TRIO: variants seen among roughly 807,000 people sequenced by gnomAD.
TRIO encodes the protein trio Rho guanine nucleotide exchange factor.
In TRIO, 58 loss-of-function variants were observed where a neutral mutation model predicts 351.9. The observed-to-expected ratio is 0.16, with a 90% CI of 0.13 to 0.21. TRIO has a LOEUF of 0.21. TRIO is among the 10% of genes least tolerant of loss of function. TRIO has a pLI of 1.00. For synonymous variants in TRIO, 1,758 were observed against 1,595.7 expected, an observed-to-expected ratio of 1.10 and a Z score of -2.42; for missense variants, 3,201 against 4,027.8, an observed-to-expected ratio of 0.79 and a Z score of 5.56.
rs1739408543 is a variant in TRIO at position 14,316,685 on chromosome 5, G to T, written c.1673G>T (p.Arg558Leu). ...QRQLENIWQH[R>L]KVRLHQRLQL... ...CAGCTGGAGAACATCTGGCAACACC[G>T]CAAGGTCCGGCTGCATCAGAGGCTG... Residue 558 changes from arginine to leucine, a missense_variant, in exon 9 of 57, where the codon CGC becomes CTC. Physicochemically the swap from Arg to Leu is moderately radical, Grantham distance 102. Coordinates refer to ENST00000344204, the MANE Select transcript of TRIO (RefSeq NM_007118.4). 1.2e-6 allele frequency: 2 copies of T among 1,614,040 alleles called. No individual in the cohort carries two copies. The highest frequency in any genetic ancestry group is 1.3e-5 in the African/African-American group (1 of 74,952).
chr5:14,485,376 A>G (rs1404917645), intron 47 of TRIO, 130 bp downstream of exon 47: 1 of 951,446 alleles, frequency 1.1e-6, no homozygotes, highest in African/African-American at 1.7e-5. Context: ...GGCACTGCCT[A>G]GATATTGCTT....
At chr5:14,258,851 C>G (rs1237264520) in intron 1 of TRIO, among the ~76,000 whole-genome samples, 1 of 152,188 alleles carries the variant, frequency 6.6e-6, no homozygotes, top group Non-Finnish European at 1.5e-5. Flanking sequence ...TTTTTGTGAT[C>G]ACTGGATTAG....
intron 1 of TRIO, among the ~76,000 whole-genome samples, chr5:14,247,549 C>T (rs545551257): frequency 7.2e-5 from 11 of 152,230 alleles, no homozygotes; most frequent in Non-Finnish European, 1.3e-4. Flanking sequence ...GTTTGGGAAA[C>T]TTTACTGAAT....
intron 48 of TRIO, among the ~76,000 whole-genome samples, chr5:14,491,559 C>T (rs1003103246): frequency 2.6e-5 from 4 of 152,216 alleles, no homozygotes; most frequent in African/African-American, 7.2e-5. Context: ...CCATAGGCCA[C>T]GCGCTAGATG....
chr5:14,274,482 T>C (rs1047866272), intron 2 of TRIO, among the ~76,000 whole-genome samples: 8 of 152,168 alleles, frequency 5.3e-5, no homozygotes, highest in African/African-American at 1.9e-4. Context: ...ATTTTTATGG[T>C]GTTCATTGAT....
Position 14,507,107 on chromosome 5 carries a change from C to T in TRIO, c.8613-15C>T, listed in dbSNP as rs2126719409. On this transcript the variant is annotated splice_polypyrimidine_tract_variant and intron_variant, in intron 55 of 56. Coordinates refer to ENST00000344204, the MANE Select transcript of TRIO (RefSeq NM_007118.4). ...CAAATCGCATCATAACAGTCACCCG[C>T]TCCTGCCTCTTTAGGGCTGACCAGG... is the stretch of plus-strand genomic sequence containing the variant. The T allele has an allele frequency of 1.3e-6, 2 of 1,569,082 alleles. No individual in the cohort carries two copies. Among genetic ancestry groups the T allele is most frequent in the Non-Finnish European group, 1.7e-6 (2 of 1,160,660 alleles).
intron 1 of TRIO, among the ~76,000 whole-genome samples, chr5:14,211,194 A>T (rs1252406336): frequency 6.6e-6 from 1 of 152,250 alleles, no homozygotes. Context: ...CAACTGCCAA[A>T]ATCATTTCCT....
chr5:14,309,830 C>G (rs1022939943), intron 8 of TRIO, among the ~76,000 whole-genome samples: 2 of 152,160 alleles, frequency 1.3e-5, no homozygotes. Context: ...CCTTGCCTCT[C>G]TCTTCCTGTC....
chr5:14,461,423 T>C (rs1753801892), intron 35 of TRIO, 112 bp downstream of exon 35: 1 of 1,344,972 alleles, frequency 7.4e-7, no homozygotes, highest in South Asian at 1.6e-5. Context: ...TTTCCGCACT[T>C]ACTCAGAAAT....
chr5:14,359,997 TTC>T (rs899820508), intron 13 of TRIO, among the ~76,000 whole-genome samples: 3 of 151,874 alleles, frequency 2.0e-5, no homozygotes, highest in Non-Finnish European at 4.4e-5. Flanking sequence ...CCCTCCCCTT[TTC>T]TCTCTCTCTC....
chr5:14,267,266 A>C (rs191893180), intron 1 of TRIO, among the ~76,000 whole-genome samples: 57 of 150,716 alleles, frequency 3.8e-4, no homozygotes, highest in African/African-American at 1.3e-3. Context: ...GCATTGACAA[A>C]CCCCCCTGGT....
intron 1 of TRIO, among the ~76,000 whole-genome samples, chr5:14,179,643 T>C (rs1789630176): frequency 6.6e-6 from 1 of 152,126 alleles, no homozygotes; most frequent in Non-Finnish European, 1.5e-5. Flanking sequence ...GCAGTGCAGT[T>C]TCACTGTTTT....
intron 5 of TRIO, 134 bp downstream of exon 5, chr5:14,291,362 C>A: frequency 2.1e-6 from 2 of 959,770 alleles, no homozygotes; most frequent in Non-Finnish European, 3.0e-6. Flanking sequence ...CAGCGAGAGT[C>A]ATTTCAGAAA....
In TRIO at chr5:14,165,552, A is replaced by G. The variant is rs146772586; in HGVS notation, c.157+21670A>G. On this transcript the variant is annotated intron_variant, in intron 1 of 56. Transcript: ENST00000344204. ...TGACTTCATGTCTTTGCTGTTGTGAATAGTGCAGCTGTATTTTTATTTTAT... is the reference window on the plus strand; with the variant it reads ...TGACTTCATGTCTTTGCTGTTGTGAGTAGTGCAGCTGTATTTTTATTTTAT... 3.4e-3 allele frequency among the ~76,000 whole-genome samples: 519 copies of G among 152,118 alleles called. 4 individuals are homozygous for G. Among genetic ancestry groups the G allele is most frequent in the African/African-American group, 0.012 (497 of 41,526 alleles).
intron 1 of TRIO, among the ~76,000 whole-genome samples, chr5:14,187,137 C>T (rs924534916): frequency 2.0e-5 from 3 of 152,096 alleles, no homozygotes; most frequent in Admixed American, 2.0e-4. Flanking sequence ...TAGGGAATGT[C>T]GGTTCTGGTC....
chr5:14,485,144 G>A lies in TRIO; in HGVS notation c.6733G>A (p.Val2245Met), dbSNP rs766963203. The change falls in exon 47 of 57, where the codon GTG becomes ATG. Residue 2245 changes from valine (V) to methionine (M), a missense_variant. By Grantham distance (21) the Val-to-Met change is conservative. This residue lies in a region of TRIO where 1,089 missense variants were observed against 954.9 expected (regional missense o/e 1.14). Coordinates refer to ENST00000344204, the MANE Select transcript of TRIO (RefSeq NM_007118.4). ...TGCTCTGACATCGAGGACGGGTGACGTGGTAGAGACCTTCATTTTGCATTC... is the reference window on the plus strand; with the variant it reads ...TGCTCTGACATCGAGGACGGGTGACATGGTAGAGACCTTCATTTTGCATTC... ...KFALTSRTGD[V>M]VETFILHSSS... 4.6e-5 allele frequency: 74 copies of A among 1,593,344 alleles called. No individual in the cohort carries two copies. The highest frequency in any genetic ancestry group is 1.7e-4 in the Middle Eastern group (1 of 6,004).
intron 1 of TRIO, among the ~76,000 whole-genome samples, chr5:14,232,123 T>C (rs1288656698): frequency 1.3e-5 from 2 of 152,154 alleles, no homozygotes; most frequent in African/African-American, 4.8e-5. Context: ...TGCTGGAGAC[T>C]GAAGATGAGA....
intron 11 of TRIO, among the ~76,000 whole-genome samples, chr5:14,342,047 G>A (rs183157848): frequency 2.3e-3 from 347 of 152,236 alleles, no homozygotes; most frequent in African/African-American, 7.9e-3. Context: ...CTGTCTTTAT[G>A]CCTAACAATT....
At chr5:14,398,191 A>G (rs1352328632) in intron 29 of TRIO, among the ~76,000 whole-genome samples, 1 of 152,202 alleles carries the variant, frequency 6.6e-6, no homozygotes, top group Non-Finnish European at 1.5e-5. Flanking sequence ...TCAGGAGGTA[A>G]TGGGCAGCCT....
Sources: allele counts gnomAD v4.1 joint callset (sites outside exome capture counted in the v4.1 genomes callset), GRCh38; gene constraint gnomAD v4.1.1; regional missense constraint gnomAD v4.1.1; transcripts MANE v1.5; gene names NCBI Gene and HGNC (gene_info 2026-07-23, HGNC 2026-07-21).